Variants in CDC14C observed in about 807,000 individuals in gnomAD.
CDC14C encodes the protein cell division cycle 14C.
CDC14C carries 19 observed loss-of-function variants against 26.9 expected under a neutral mutation model. The observed-to-expected ratio is 0.71, with a 90% confidence interval of 0.49 to 1.04. The LOEUF is 1.04. Ranked by LOEUF, CDC14C falls within the 50% of genes least tolerant of loss-of-function variation. The pLI, the probability that CDC14C is intolerant of heterozygous loss-of-function variation, is 0.00. For missense variants in CDC14C, 423 were observed against 520.0 expected (o/e 0.81, Z 1.81); for synonymous variants, 185 against 180.1 (o/e 1.03, Z -0.22).
In CDC14C at chr7:48,926,012, T is replaced by G. The variant is rs401091; in HGVS notation, c.1340T>G (p.Phe447Cys). The change falls in exon 1 of 1, where the codon TTC (phenylalanine) becomes TGC (cysteine). Residue 447 changes from phenylalanine to cysteine, a missense_variant. Physicochemically the swap from Phe to Cys is radical, Grantham distance 205. Around this residue, in one of 3 missense-constraint regions of CDC14C, gnomAD observed 91 missense variants for 94.2 expected, o/e 0.97. Transcript: ENST00000650262. ...GACTACATTCTTCCCATCCTGCTAT[T>G]CTGACTCAAAGATTTCAGAACATAG... ...VCDYILPILLF is the reference protein window; with the variant it reads ...VCDYILPILLC The G allele has an allele frequency of 1.3e-6, 1 of 743,378 alleles. No individual in the cohort carries two copies. Among genetic ancestry groups the G allele is most frequent in the Non-Finnish European group, 2.5e-6 (1 of 397,740 alleles). The allele number at this position is 743,378 out of a possible 1,614,324, so 46.0% of individuals were successfully genotyped here. A position where few individuals can be genotyped will look rare whatever the true frequency, so the allele number is the denominator to read the frequency against.
In CDC14C at chr7:48,924,963, A is replaced by T. The variant is rs1443195465; in HGVS notation, c.291A>T (p.Arg97Ser). The T allele has an allele frequency of 6.7e-7, 1 of 1,486,282 alleles. No individual in the cohort carries two copies. Among genetic ancestry groups the T allele is most frequent in the African/African-American group, 1.4e-5 (1 of 72,412 alleles). The allele number at this position is 1,486,282 out of a possible 1,614,324, so 92.1% of individuals were successfully genotyped here. Residue 97 changes from arginine to serine, a missense_variant, in exon 1 of 1, where the codon AGA becomes AGT. This residue lies in a region of CDC14C where 310 missense variants were observed against 356.8 expected (regional missense o/e 0.87). Transcript: ENST00000650262. ...TTCATTTTACTGGCTCTGATCAGAGAAAACAAGCAAATGCTGCCTTCCTTG... is the reference window on the plus strand; with the variant it reads ...TTCATTTTACTGGCTCTGATCAGAGTAAACAAGCAAATGCTGCCTTCCTTG... ...KIVHFTGSDQ[R>S]KQANAAFLVG...
rs58317831 is a variant in CDC14C, at chr7:48,924,613, TG to T, written c.-57del. On this transcript the variant is annotated 5_prime_UTR_variant, in exon 1 of 1. Transcript: ENST00000650262. Reference sequence around the variant, plus strand: ...GCGGAAAAGCAAGGGGCGGTCGAGCTGGGCCGCCGCGCCCCACTGCTCGCCG... The same window carrying T: ...GCGGAAAAGCAAGGGGCGGTCGAGCTGGCCGCCGCGCCCCACTGCTCGCCG... 503,190 of 942,140 alleles carry T rather than the reference TG, an allele frequency of 0.53. 137,077 individuals are homozygous for T. The highest frequency in any genetic ancestry group is 0.71 in the East Asian group (29,490 of 41,294). 58.4% of individuals were successfully genotyped at this position (942,140 alleles called of 1,614,324 possible). A position where few individuals can be genotyped will look rare whatever the true frequency, so the allele number is the denominator to read the frequency against.
At position 48,924,668 on chromosome 7, in the gene CDC14C, A is replaced by G. The variant is rs1015975485; in HGVS notation, c.-5A>G. 3.6e-6 allele frequency: 4 copies of G among 1,117,866 alleles called. No homozygotes were observed. The highest frequency in any genetic ancestry group is 5.5e-6 in the Non-Finnish European group (4 of 728,634). The allele number at this position is 1,117,866 out of a possible 1,614,324, so 69.2% of individuals were successfully genotyped here. Reference sequence around the variant, plus strand: ...TGCTCTTTGACCTCGCAGGGTGTGAAGAAGATGCGCAGCTCCACGCTGCAG... The same window carrying G: ...TGCTCTTTGACCTCGCAGGGTGTGAGGAAGATGCGCAGCTCCACGCTGCAG... On this transcript the variant is annotated 5_prime_UTR_variant, in exon 1 of 1. Transcript: ENST00000650262.
In CDC14C at chr7:48,925,787, T is replaced by G; in HGVS notation, c.1115T>G (p.Ile372Arg). ...CTCTCTGGTGTTGATGACATTTCCATAAATGGGGTCGAGAATCAAGACCAG... is the reference window on the plus strand; with the variant it reads ...CTCTCTGGTGTTGATGACATTTCCAGAAATGGGGTCGAGAATCAAGACCAG... ...KLLSGVDDIS[I>R]NGVENQDQQE... Residue 372 changes from isoleucine (I) to arginine (R), a missense_variant, in exon 1 of 1, where the codon ATA becomes AGA. Around this residue, in one of 3 missense-constraint regions of CDC14C, gnomAD observed 91 missense variants for 94.2 expected, o/e 0.97. Transcript: ENST00000650262. 1 of 917,944 alleles carries G rather than the reference T, an allele frequency of 1.1e-6. No individual in the cohort carries two copies. The highest frequency in any genetic ancestry group is 1.8e-6 in the Non-Finnish European group (1 of 543,674). The allele number at this position is 917,944 out of a possible 1,614,324, so 56.9% of individuals were successfully genotyped here. A position where few individuals can be genotyped will look rare whatever the true frequency, so the allele number is the denominator to read the frequency against.
chr7:48,926,369 A>G lies in CDC14C; in HGVS notation c.*353A>G, dbSNP rs1435165183. Among the ~76,000 whole-genome samples, 3 of 150,816 alleles carry G rather than the reference A, an allele frequency of 2.0e-5. No individual in the cohort carries two copies. Among genetic ancestry groups the G allele is most frequent in the Admixed American group, 6.6e-5 (1 of 15,104 alleles). On this transcript the variant is annotated 3_prime_UTR_variant, in exon 1 of 1. Coordinates refer to ENST00000650262, the MANE Select transcript of CDC14C (RefSeq NM_152627.3). ...ATTAAAGACACACACACAGAAATACAGAGGTGTAAAGTGGGAAATCAGGGG... is the reference window on the plus strand; with the variant it reads ...ATTAAAGACACACACACAGAAATACGGAGGTGTAAAGTGGGAAATCAGGGG...
rs1012676641 is a variant in CDC14C, at chr7:48,924,575, C to T, written c.-98C>T. 1.1e-4 allele frequency: 87 copies of T among 756,788 alleles called. 1 individual carries two copies. In the Middle Eastern group the frequency reaches 3.4e-3, roughly 29 times the overall value. The allele number at this position is 756,788 out of a possible 1,614,324, so 46.9% of individuals were successfully genotyped here. On this transcript the variant is annotated 5_prime_UTR_variant, in exon 1 of 1. Coordinates refer to ENST00000650262, the MANE Select transcript of CDC14C (RefSeq NM_152627.3). ...GTCGTTGCTCCCTGACTGGCCGCGG[C>T]GGCCTCCAGGAAGCGGAAAAGCAAG...
Position 48,926,830 on chromosome 7 carries a change from G to A in CDC14C, c.*814G>A, listed in dbSNP as rs1798899953. On this transcript the variant is annotated 3_prime_UTR_variant, in exon 1 of 1. Transcript: ENST00000650262. ...CCCAAAAAGAATGACTCAAAGAAAG[G>A]CCCAGCTCTCAAGCTGAATGACAAA... Among the ~76,000 whole-genome samples, 1 of 151,940 alleles carries A rather than the reference G, an allele frequency of 6.6e-6. No individual in the cohort carries two copies. The highest frequency in any genetic ancestry group is 2.4e-5 in the African/African-American group (1 of 41,302).
chr7:48,924,849 T>C lies in CDC14C; in HGVS notation c.177T>C (p.Phe59=). Residue 59 remains phenylalanine, a synonymous_variant, in exon 1 of 1, where the codon TTT becomes TTC. Coordinates refer to ENST00000650262, the MANE Select transcript of CDC14C (RefSeq NM_152627.3). ...ELEYENFSED[F]GPLNLAMVYR... ...AATATGAGAACTTCTCCGAAGACTT[T>C]GGACCACTCAATCTGGCAATGGTTT... 1 of 1,402,458 alleles carries C rather than the reference T, an allele frequency of 7.1e-7. No homozygotes were observed. The highest frequency in any genetic ancestry group is 1.0e-6 in the Non-Finnish European group (1 of 986,874). 86.9% of individuals were successfully genotyped at this position (1,402,458 alleles called of 1,614,324 possible).
At position 48,925,045 on chromosome 7, in the gene CDC14C, T is replaced by C; in HGVS notation, c.373T>C (p.Leu125=). The change falls in exon 1 of 1, where the codon TTA becomes CTA. Residue 125 remains leucine (L), a synonymous_variant. Coordinates refer to ENST00000650262, the MANE Select transcript of CDC14C (RefSeq NM_152627.3). ...AACCCCAGAAGCAGCATATAGAATA[T>C]TAATCTTTGGAGATACACCCTATAT... is the stretch of plus-strand genomic sequence containing the variant. ...GRTPEAAYRI[L]IFGDTPYIPF... 6.8e-7 allele frequency: 1 copy of C among 1,461,886 alleles called. No homozygotes were observed. Among genetic ancestry groups the C allele is most frequent in the Non-Finnish European group, 9.6e-7 (1 of 1,041,450 alleles). 90.6% of individuals were successfully genotyped at this position (1,461,886 alleles called of 1,614,324 possible). A position where few individuals can be genotyped will look rare whatever the true frequency, so the allele number is the denominator to read the frequency against.
Position 48,925,284 on chromosome 7 carries a change from C to G in CDC14C, c.612C>G (p.Ala204=). The G allele has an allele frequency of 6.2e-7, 1 of 1,606,570 alleles. No homozygotes were observed. Among genetic ancestry groups the G allele is most frequent in the Non-Finnish European group, 8.5e-7 (1 of 1,173,008 alleles). Residue 204 remains alanine (A), a synonymous_variant, in exon 1 of 1, where the codon GCC becomes GCG. Coordinates refer to ENST00000650262, the MANE Select transcript of CDC14C (RefSeq NM_152627.3). ...FIAFCGPHSR[A]RLESGYHQHS... ...CCTTCTGTGGACCTCATTCAAGAGC[C>G]AGACTTGAAAGTGGTTACCACCAAC...
At position 48,925,748 on chromosome 7, in the gene CDC14C, C is replaced by A. The variant is rs1405643731; in HGVS notation, c.1076C>A (p.Ala359Asp). 9.4e-7 allele frequency: 1 copy of A among 1,060,346 alleles called. No homozygotes were observed. The highest frequency in any genetic ancestry group is 1.5e-6 in the Non-Finnish European group (1 of 674,008). The allele number at this position is 1,060,346 out of a possible 1,614,324, so 65.7% of individuals were successfully genotyped here. A position where few individuals can be genotyped will look rare whatever the true frequency, so the allele number is the denominator to read the frequency against. ...CAGGAGAATGGACAACACAGAGCAG[C>A]CTTCTCCAAACTTCTCTCTGGTGTT... ...KGQENGQHRAAFSKLLSGVDD... is the reference protein window; with the variant it reads ...KGQENGQHRADFSKLLSGVDD... The change falls in exon 1 of 1, where the codon GCC becomes GAC. Residue 359 changes from alanine (A) to aspartate (D), a missense_variant. Ala to Asp is a moderately radical substitution (Grantham distance 126). Transcript: ENST00000650262.
chr7:48,925,116 A>G lies in CDC14C; in HGVS notation c.444A>G (p.Thr148=). 1 of 1,539,782 alleles carries G rather than the reference A, an allele frequency of 6.5e-7. No individual in the cohort carries two copies. Among genetic ancestry groups the G allele is most frequent in the South Asian group, 1.1e-5 (1 of 89,486 alleles). ...ATGGAAGCTGCAATTTCTACATTAC[A>G]CTTCTTGACTGTTTTCATGCAGTAA... The part of the protein sequence containing the change: ...AAYGSCNFYI[T]LLDCFHAVKK... The change falls in exon 1 of 1, where the codon ACA becomes ACG. Residue 148 remains threonine, a synonymous_variant. Transcript: ENST00000650262.
At position 48,925,457 on chromosome 7, in the gene CDC14C, C is replaced by A; in HGVS notation, c.785C>A (p.Thr262Asn). 6.2e-7 allele frequency: 1 copy of A among 1,608,886 alleles called. No homozygotes were observed. Among genetic ancestry groups the A allele is most frequent in the Non-Finnish European group, 8.5e-7 (1 of 1,175,390 alleles). ...TTCTTTGCGGATGGCAGCACCCCTA[C>A]TGATGCCATTGTCAAAAGATTTCTG... ...DLFFADGSTP[T>N]DAIVKRFLDI... The change falls in exon 1 of 1, where the codon ACT (threonine) becomes AAT (asparagine). Residue 262 changes from threonine to asparagine, a missense_variant. Around this residue, in one of 3 missense-constraint regions of CDC14C, gnomAD observed 310 missense variants for 356.8 expected, o/e 0.87. Coordinates refer to ENST00000650262, the MANE Select transcript of CDC14C (RefSeq NM_152627.3).
rs186576277 is a variant in CDC14C, at chr7:48,924,553, G to T, written c.-120G>T. 1.5e-5 allele frequency: 10 copies of T among 655,400 alleles called. No homozygotes were observed. Among genetic ancestry groups the T allele is most frequent in the Non-Finnish European group, 2.6e-5 (10 of 390,294 alleles). 40.6% of individuals were successfully genotyped at this position (655,400 alleles called of 1,614,324 possible). The stretch of plus-strand genomic sequence containing the variant: ...TGGCGGCGCGCGCGGGGCCGTGGTC[G>T]TTGCTCCCTGACTGGCCGCGGCGGC... On this transcript the variant is annotated 5_prime_UTR_variant, in exon 1 of 1. Coordinates refer to ENST00000650262, the MANE Select transcript of CDC14C (RefSeq NM_152627.3).
Position 48,925,078 on chromosome 7 carries a change from A to G in CDC14C, c.406A>G (p.Arg136Gly), listed in dbSNP as rs959816416. 7.2e-6 allele frequency: 11 copies of G among 1,536,020 alleles called. No individual in the cohort carries two copies. The African/African-American group carries it at 1.1e-4, about 15-fold the overall frequency. Residue 136 changes from arginine to glycine, a missense_variant, in exon 1 of 1, where the codon AGA becomes GGA. Transcript: ENST00000650262. ...TGGAGATACACCCTATATTCCTTTC[A>G]GAGATGCTGCCTATGGAAGCTGCAA... ...IFGDTPYIPF[R>G]DAAYGSCNFY...
rs994044940 is a variant in CDC14C at position 48,926,592 on chromosome 7, A to T, written c.*576A>T. ...GCAGGAGCACGTCCTTAAGGCACAG[A>T]TGGCTCATGCTATTGTTTGTGGCTT... is the stretch of plus-strand genomic sequence containing the variant. On this transcript the variant is annotated 3_prime_UTR_variant, in exon 1 of 1. Transcript: ENST00000650262. Among the ~76,000 whole-genome samples the T allele has an allele frequency of 6.6e-6, 1 of 152,092 alleles. No individual in the cohort carries two copies. The highest frequency in any genetic ancestry group is 6.5e-5 in the Admixed American group (1 of 15,282).
chr7:48,924,721 G>A lies in CDC14C; in HGVS notation c.49G>A (p.Asp17Asn), dbSNP rs754504019. The A allele has an allele frequency of 2.8e-5, 38 of 1,341,900 alleles. No homozygotes were observed. The highest frequency in any genetic ancestry group is 8.4e-5 in the Admixed American group (5 of 59,594). The allele number at this position is 1,341,900 out of a possible 1,614,324, so 83.1% of individuals were successfully genotyped here. A position where few individuals can be genotyped will look rare whatever the true frequency, so the allele number is the denominator to read the frequency against. The change falls in exon 1 of 1, where the codon GAC becomes AAC. Residue 17 changes from aspartate (D) to asparagine (N), a missense_variant. This residue lies in a region of CDC14C where 310 missense variants were observed against 356.8 expected (regional missense o/e 0.87). Coordinates refer to ENST00000650262, the MANE Select transcript of CDC14C (RefSeq NM_152627.3). Reference sequence around the variant, plus strand: ...CCCGCGCCGCCGGGACCCCCAGGACGACGTGTACGTGGACATCACCGATCG... The same window carrying A: ...CCCGCGCCGCCGGGACCCCCAGGACAACGTGTACGTGGACATCACCGATCG... ...QDPRRRDPQD[D>N]VYVDITDRLR...
At position 48,926,481 on chromosome 7, in the gene CDC14C, T is replaced by C. The variant is rs1287681344; in HGVS notation, c.*465T>C. ...AAACAAGTCATTAGCATTGTTTCTATAGATATTAAATTAACTAAAAGTATC... is the reference window on the plus strand; with the variant it reads ...AAACAAGTCATTAGCATTGTTTCTACAGATATTAAATTAACTAAAAGTATC... On this transcript the variant is annotated 3_prime_UTR_variant, in exon 1 of 1. Transcript: ENST00000650262. 3.3e-5 allele frequency among the ~76,000 whole-genome samples: 5 copies of C among 152,070 alleles called. No homozygotes were observed. The highest frequency in any genetic ancestry group is 5.9e-5 in the Non-Finnish European group (4 of 68,020).
rs1798858116 is a variant in CDC14C, at chr7:48,924,867, AATG to A, written c.196_198del (p.Met66del). 6.8e-7 allele frequency: 1 copy of A among 1,462,908 alleles called. No individual in the cohort carries two copies. Among genetic ancestry groups the A allele is most frequent in the African/African-American group, 1.4e-5 (1 of 71,842 alleles). 90.6% of individuals were successfully genotyped at this position (1,462,908 alleles called of 1,614,324 possible). On this transcript the variant is annotated inframe_deletion, in exon 1 of 1. Coordinates refer to ENST00000650262, the MANE Select transcript of CDC14C (RefSeq NM_152627.3). The stretch of plus-strand genomic sequence containing the variant: ...AAGACTTTGGACCACTCAATCTGGC[AATG>A]GTTTACAGATATTGTTGCAAGATAA...
Sources: gnomAD v4.1 joint callset for allele counts (sites outside exome capture counted in the v4.1 genomes callset) on GRCh38, gnomAD v4.1.1 for gene constraint, gnomAD v4.1.1 regional missense constraint, MANE v1.5 for transcripts, NCBI Gene and HGNC (gene_info 2026-07-23, HGNC 2026-07-21) for gene names.